GABRG3: variants seen among roughly 807,000 people sequenced by gnomAD.
GABRG3 encodes the protein gamma-aminobutyric acid receptor subunit gamma-3.
A neutral mutation model predicts 48.8 loss-of-function variants in GABRG3; 25 were observed. The ratio of observed to expected loss-of-function variants is 0.51; its 90% confidence interval spans 0.37 to 0.72. The LOEUF (loss-of-function observed/expected upper bound fraction) is 0.72. Ranked by LOEUF, GABRG3 falls within the 30% of genes least tolerant of loss-of-function variation. The pLI is 0.00. For synonymous variants in GABRG3, 227 were observed against 217.6 expected (o/e 1.04, Z -0.38); for missense variants, 394 against 577.9 (o/e 0.68, Z 3.26).
intron 3 of GABRG3, among the ~76,000 whole-genome samples, chr15:27,162,509 C>T (rs1887228263): frequency 1.3e-5 from 2 of 152,100 alleles, no homozygotes; most frequent in Non-Finnish European, 2.9e-5. Context: ...ATGGTAGTGG[C>T]ACTTTTTTGA....
At chr15:27,349,411 A>G (rs1191366083) in intron 5 of GABRG3, among the ~76,000 whole-genome samples, 1 of 152,164 alleles carries the variant, frequency 6.6e-6, no homozygotes, top group African/African-American at 2.4e-5. Context: ...TGCCTTAACC[A>G]TTGCCTCTGG....
intron 1 of GABRG3, among the ~76,000 whole-genome samples, chr15:26,972,783 AG>A (rs1239449099): frequency 1.3e-5 from 2 of 152,160 alleles, no homozygotes; most frequent in African/African-American, 4.8e-5. Flanking sequence ...TGAATTGGGC[AG>A]GGGTGCTTAC....
intron 3 of GABRG3, among the ~76,000 whole-genome samples, chr15:27,230,457 T>C (rs1301100916): frequency 6.6e-6 from 1 of 152,230 alleles, no homozygotes; most frequent in Non-Finnish European, 1.5e-5. Flanking sequence ...ATTAATTCAT[T>C]GCTATTCTTA....
At chr15:27,456,693 A>C (rs1889291252) in intron 5 of GABRG3, among the ~76,000 whole-genome samples, 1 of 152,174 alleles carries the variant, frequency 6.6e-6, no homozygotes, top group African/African-American at 2.4e-5. Context: ...TGCAGGGCTC[A>C]TAGCGGAGGA....
chr15:27,495,305 CT>C (rs2150851299), intron 6 of GABRG3, among the ~76,000 whole-genome samples: 1 of 152,250 alleles, frequency 6.6e-6, no homozygotes, highest in Admixed American at 6.5e-5. Flanking sequence ...GGATTTTCTT[CT>C]TTTCTAAGGT....
At chr15:27,369,554 A>C (rs972695781) in intron 5 of GABRG3, among the ~76,000 whole-genome samples, 1 of 152,194 alleles carries the variant, frequency 6.6e-6, no homozygotes, top group African/African-American at 2.4e-5. Flanking sequence ...GCGGTGGCTC[A>C]TCCCTCTAAT....
chr15:27,007,086 T>TG (rs1483248435), intron 2 of GABRG3, among the ~76,000 whole-genome samples: 6 of 152,074 alleles, frequency 3.9e-5, no homozygotes, highest in Non-Finnish European at 8.8e-5. Flanking sequence ...GTCTTTTTTT[T>TG]TTTTGTTTTT....
intron 3 of GABRG3, among the ~76,000 whole-genome samples, chr15:27,322,238 T>C (rs8037265): frequency 0.099 from 15,092 of 152,184 alleles, 1,416 homozygotes; most frequent in African/African-American, 0.24. Context: ...ACACCATGCA[T>C]AGCCTCACTC....
chr15:27,039,777 C>T (rs1239707742), intron 3 of GABRG3, among the ~76,000 whole-genome samples: 1 of 152,212 alleles, frequency 6.6e-6, no homozygotes, highest in African/African-American at 2.4e-5. Flanking sequence ...AAATACCAGA[C>T]CCTGTCGGTG....
At chr15:27,267,692 A>C (rs1346674215) in intron 3 of GABRG3, among the ~76,000 whole-genome samples, 1 of 152,170 alleles carries the variant, frequency 6.6e-6, no homozygotes, top group East Asian at 1.9e-4. Flanking sequence ...TGATTAAGGA[A>C]GTTCTCTTCT....
chr15:27,415,396 A>G (rs1887911483), intron 5 of GABRG3, among the ~76,000 whole-genome samples: 1 of 152,064 alleles, frequency 6.6e-6, no homozygotes, highest in Admixed American at 6.5e-5. Context: ...TCTTTCTTAG[A>G]ATTTCCATCT....
chr15:27,349,050 G>A (rs1894470045), intron 5 of GABRG3, among the ~76,000 whole-genome samples: 1 of 152,140 alleles, frequency 6.6e-6, no homozygotes, highest in African/African-American at 2.4e-5. Context: ...TGGGAGGGGA[G>A]CATGGGCAGG....
chr15:27,312,445 C>A (rs888356679), intron 3 of GABRG3, among the ~76,000 whole-genome samples: 1 of 151,848 alleles, frequency 6.6e-6, no homozygotes, highest in African/African-American at 2.4e-5. Flanking sequence ...CCAGGAAACC[C>A]AAATGACAAT....
At chr15:27,528,070 G>T in intron 9 of GABRG3, 78 bp downstream of exon 9, 1 of 1,020,174 alleles carries the variant, frequency 9.8e-7, no homozygotes, top group Non-Finnish European at 1.5e-6. Flanking sequence ...ATAGATTGCT[G>T]TTGATGCATG....
intron 3 of GABRG3, among the ~76,000 whole-genome samples, chr15:27,302,991 A>G (rs1892263367): frequency 2.6e-5 from 4 of 151,918 alleles, no homozygotes; most frequent in Admixed American, 2.6e-4. Context: ...GCTTAGAGAG[A>G]AATTTATAGT....
At chr15:27,122,064 A>C (rs930382748) in intron 3 of GABRG3, among the ~76,000 whole-genome samples, 47 of 152,332 alleles carry the variant, frequency 3.1e-4, no homozygotes, top group African/African-American at 1.1e-3. Context: ...GGGTAACTTT[A>C]GTCAAAATAA....
At chr15:27,104,299 C>T (rs1897411958) in intron 3 of GABRG3, among the ~76,000 whole-genome samples, 1 of 152,204 alleles carries the variant, frequency 6.6e-6, no homozygotes, top group South Asian at 2.1e-4. Flanking sequence ...CGAGCCAGGA[C>T]AGATGAAGTT....
chr15:27,388,276 T>G (rs190245225), intron 5 of GABRG3, among the ~76,000 whole-genome samples: 490 of 14,272 alleles, frequency 0.034, 9 homozygotes, highest in Admixed American at 0.054. Flanking sequence ...GGAGGGAGGG[T>G]AAGGAAGGAA....
Position 27,307,415 on chromosome 15 carries a change from A to G in GABRG3, c.271-19394A>G, listed in dbSNP as rs564234113. ...ACCATATAGGTTTATATATTTATAT[A>G]TAAACATATAGGTTTATATATTTAT... is the stretch of plus-strand genomic sequence containing the variant. On this transcript the variant is annotated intron_variant, in intron 3 of 9. Transcript: ENST00000615808. Among the ~76,000 whole-genome samples the G allele has an allele frequency of 6.6e-5, 6 of 90,790 alleles. No homozygotes were observed. In the East Asian group the frequency reaches 1.2e-3, roughly 18 times the overall value. 59.6% of individuals were successfully genotyped at this position (90,790 alleles called of 152,430 possible). A position where few individuals can be genotyped will look rare whatever the true frequency, so the allele number is the denominator to read the frequency against.
Sources: allele counts gnomAD v4.1 joint callset (sites outside exome capture counted in the v4.1 genomes callset), GRCh38; gene constraint gnomAD v4.1.1; transcripts MANE v1.5; gene names NCBI Gene and HGNC (gene_info 2026-07-23, HGNC 2026-07-21).